The following HORMAD2 variants were observed in gnomAD, a reference collection of about 807,000 sequenced individuals.
HORMAD2 encodes HORMA domain containing 2.
In HORMAD2, 45 loss-of-function variants were observed where a neutral mutation model predicts 38.8. The observed-to-expected ratio is 1.16, with a 90% CI of 0.91 to 1.49. HORMAD2 has a LOEUF of 1.49. HORMAD2 is among the 40% of genes most tolerant of loss of function. The probability of loss-of-function intolerance (pLI) is 0.00; values close to 1 mark genes in which losing one functional copy is unlikely to be tolerated. For synonymous variants in HORMAD2, 126 were observed against 122.8 expected (o/e 1.03, Z -0.17); for missense variants, 338 against 367.0 (o/e 0.92, Z 0.65).
At chr22:30,200,779 T>C in the HORMAD2 span, among the ~76,000 whole-genome samples, 46 of 148,716 alleles carry the variant, frequency 3.1e-4, 1 homozygote, top group East Asian at 9.0e-3. Flanking sequence ...AGACGGAGTC[T>C]GGCTCTGTCA....
downstream of HORMAD2, among the ~76,000 whole-genome samples, chr22:30,177,661 A>T (rs1341791309): frequency 2.0e-5 from 3 of 151,556 alleles, no homozygotes; most frequent in Non-Finnish European, 4.4e-5. Flanking sequence ...CTCCAGAGAG[A>T]AGGTCTAAGA....
At chr22:30,080,662 G>A (rs903410412) in intron 1 of HORMAD2, among the ~76,000 whole-genome samples, 171 bp downstream of exon 1, 4 of 152,126 alleles carry the variant, frequency 2.6e-5, no homozygotes, top group Admixed American at 2.6e-4. Context: ...GAAGAGAATC[G>A]GGAGGGCAGG....
chr22:30,088,064 TAC>T (rs138173988), intron 1 of HORMAD2, among the ~76,000 whole-genome samples: 1,056 of 89,180 alleles, frequency 0.012, 4 homozygotes, highest in South Asian at 0.048. Flanking sequence ...CGTATACATA[TAC>T]ACACACGTAC....
At chr22:30,148,255 A>C (rs1360719929) in intron 10 of HORMAD2, among the ~76,000 whole-genome samples, 1 of 152,228 alleles carries the variant, frequency 6.6e-6, no homozygotes, top group East Asian at 1.9e-4. Flanking sequence ...AGAAAGGGAA[A>C]GAAAAAGAAA....
chr22:30,135,865 C>T (rs2146166011), intron 10 of HORMAD2, among the ~76,000 whole-genome samples: 1 of 152,296 alleles, frequency 6.6e-6, no homozygotes, highest in Admixed American at 6.5e-5. Flanking sequence ...AAAATTCAAA[C>T]ATTCAACAAT....
intron 10 of HORMAD2, among the ~76,000 whole-genome samples, chr22:30,145,550 A>C (rs1250363451): frequency 6.6e-6 from 1 of 152,208 alleles, no homozygotes; most frequent in Non-Finnish European, 1.5e-5. Context: ...CCATATCTGA[A>C]ATTTTAAAAT....
intron 10 of HORMAD2, among the ~76,000 whole-genome samples, chr22:30,167,092 A>G (rs1925830608): frequency 6.6e-6 from 1 of 152,202 alleles, no homozygotes; most frequent in Non-Finnish European, 1.5e-5. Flanking sequence ...TGGGGGCTCT[A>G]AGAGAAGTTC....
At chr22:30,179,792 T>C (rs1373401109), downstream of HORMAD2, among the ~76,000 whole-genome samples, 3 of 152,212 alleles carry the variant, frequency 2.0e-5, no homozygotes, top group East Asian at 5.8e-4. Flanking sequence ...TTTCTGGTAA[T>C]AGGCTGATTT....
At chr22:30,127,720 T>C (rs1922988433) in intron 10 of HORMAD2, among the ~76,000 whole-genome samples, 2 of 152,222 alleles carry the variant, frequency 1.3e-5, no homozygotes, top group Non-Finnish European at 2.9e-5. Flanking sequence ...TGTATAGACA[T>C]GAATATCCTA....
chr22:30,205,334 G>C, the HORMAD2 span, among the ~76,000 whole-genome samples: 3 of 152,064 alleles, frequency 2.0e-5, no homozygotes, highest in African/African-American at 7.2e-5. Context: ...GCTGAGCAGG[G>C]ACAAGTACTC....
Position 30,121,661 on chromosome 22 carries a change from GAACA to G in HORMAD2, c.446_449del (p.Asn149MetfsTer11), listed in dbSNP as rs771653736. 5 of 1,601,176 alleles carry G rather than the reference GAACA, an allele frequency of 3.1e-6. No homozygotes were observed. In the East Asian group the frequency reaches 9.0e-5, roughly 29 times the overall value. On this transcript the variant is annotated frameshift_variant, in exon 9 of 11. Coordinates refer to ENST00000336726, the MANE Select transcript of HORMAD2 (RefSeq NM_152510.4). LOFTEE classifies it high-confidence loss of function. The stretch of plus-strand genomic sequence containing the variant: ...AGCAGCAGTACAAGCTTTGAAAGTG[GAACA>G]AACAATGAAGATATTAAGAAAGCCA...
intron 3 of HORMAD2, among the ~76,000 whole-genome samples, chr22:30,100,466 T>TA (rs1445394114): frequency 1.3e-5 from 2 of 152,118 alleles, no homozygotes; most frequent in African/African-American, 4.8e-5. Flanking sequence ...ATGTAATACC[T>TA]AAAACCATAA....
chr22:30,091,240 CTCTCTCTTTCTT>C (rs1432252180), intron 1 of HORMAD2, among the ~76,000 whole-genome samples: 230 of 148,528 alleles, frequency 1.5e-3, no homozygotes, highest in African/African-American at 2.6e-3. Context: ...CTTTCTCTCT[CTCTCTCTTTCTT>C]TCTCTCTTTC....
At position 30,134,080 on chromosome 22, in the gene HORMAD2, C is replaced by T. The variant is rs188113873; in HGVS notation, c.819+11866C>T. On this transcript the variant is annotated intron_variant, in intron 10 of 10. Coordinates refer to ENST00000336726, the MANE Select transcript of HORMAD2 (RefSeq NM_152510.4). Reference sequence around the variant, plus strand: ...GACATTTAAACAAGGCTACATGAAGCTCATTGTGAAGAAAGTTTAAAAGAA... The same window carrying T: ...GACATTTAAACAAGGCTACATGAAGTTCATTGTGAAGAAAGTTTAAAAGAA... Among the ~76,000 whole-genome samples the T allele has an allele frequency of 8.1e-4, 123 of 152,194 alleles. 1 individual carries two copies. Among genetic ancestry groups the T allele is most frequent in the Non-Finnish European group, 1.4e-3 (97 of 68,006 alleles).
chr22:30,130,823 T>C (rs1923230773), intron 10 of HORMAD2, among the ~76,000 whole-genome samples: 2 of 151,848 alleles, frequency 1.3e-5, no homozygotes. Context: ...ACTCCTGAGC[T>C]CAAGCAACCC....
intron 8 of HORMAD2, 59 bp downstream of exon 8, chr22:30,119,106 T>A: frequency 8.4e-7 from 1 of 1,194,308 alleles, no homozygotes; most frequent in Non-Finnish European, 1.2e-6. Context: ...AAACATAAGC[T>A]TCTTGAGGCC....
chr22:30,133,466 C>CAT (rs60408642), intron 10 of HORMAD2, among the ~76,000 whole-genome samples: 71,601 of 147,018 alleles, frequency 0.49, 17,618 homozygotes, highest in South Asian at 0.61. Context: ...TATATATATA[C>CAT]ATATATATAT....
At chr22:30,198,697 C>T in the HORMAD2 span, among the ~76,000 whole-genome samples, 4 of 152,182 alleles carry the variant, frequency 2.6e-5, no homozygotes, top group African/African-American at 9.7e-5. Flanking sequence ...GGTCCTCATC[C>T]TCGCTTCACC....
At chr22:30,204,256 G>A in the HORMAD2 span, among the ~76,000 whole-genome samples, 4 of 152,172 alleles carry the variant, frequency 2.6e-5, no homozygotes, top group Non-Finnish European at 4.4e-5. Context: ...GAGTGTTCCT[G>A]CCATCCATCC....
Sources: allele counts gnomAD v4.1 joint callset (sites outside exome capture counted in the v4.1 genomes callset), GRCh38; gene constraint gnomAD v4.1.1; transcripts MANE v1.5; gene names NCBI Gene and HGNC (gene_info 2026-07-23, HGNC 2026-07-21).